The following CCDC91 variants were observed in gnomAD, a reference collection of about 807,000 sequenced individuals.
CCDC91 encodes coiled-coil domain containing 91.
A neutral mutation model predicts 63.2 loss-of-function variants in CCDC91; 48 were observed. That is an observed-to-expected ratio of 0.76 (90% CI 0.60 to 0.97). The LOEUF (loss-of-function observed/expected upper bound fraction) is 0.97. Among genes scored for constraint, CCDC91 ranks in the 50% least tolerant of loss-of-function variants. The probability of loss-of-function intolerance (pLI) is 0.00; values close to 1 mark genes in which losing one functional copy is unlikely to be tolerated. For missense variants in CCDC91, 500 were observed against 494.6 expected, an observed-to-expected ratio of 1.01 and a Z score of -0.10; for synonymous variants, 167 against 165.8, an observed-to-expected ratio of 1.01 and a Z score of -0.06.
intron 8 of CCDC91, among the ~76,000 whole-genome samples, chr12:28,426,372 T>C (rs1298478433): frequency 6.6e-6 from 1 of 152,174 alleles, no homozygotes; most frequent in Admixed American, 6.6e-5. Flanking sequence ...TTTTAGAAAA[T>C]TTGTGGCTAT....
chr12:28,221,319 T>TA (rs1203592944), intron 1 of CCDC91, among the ~76,000 whole-genome samples: 3 of 152,186 alleles, frequency 2.0e-5, no homozygotes, highest in South Asian at 2.1e-4. Context: ...AGCATATTTA[T>TA]AATAGCTGCT....
chr12:28,435,205 A>G (rs1948841300), intron 8 of CCDC91, among the ~76,000 whole-genome samples: 1 of 151,660 alleles, frequency 6.6e-6, no homozygotes, highest in Admixed American at 6.6e-5. Flanking sequence ...TTTTTCTCCT[A>G]AAATGAAAGC....
At chr12:28,533,873 G>C (rs1941942835) in intron 12 of CCDC91, among the ~76,000 whole-genome samples, 1 of 151,446 alleles carries the variant, frequency 6.6e-6, no homozygotes, top group South Asian at 2.1e-4. Flanking sequence ...ATTTGATCAA[G>C]AGAAGTACTT....
intron 3 of CCDC91, among the ~76,000 whole-genome samples, chr12:28,299,789 T>A (rs1475727488): frequency 6.6e-6 from 1 of 151,634 alleles, no homozygotes; most frequent in Non-Finnish European, 1.5e-5. Context: ...TATTTTCATT[T>A]TGGTAAATCG....
intron 12 of CCDC91, among the ~76,000 whole-genome samples, chr12:28,494,724 T>C (rs1952189671): frequency 6.6e-6 from 1 of 151,766 alleles, no homozygotes; most frequent in South Asian, 2.1e-4. Flanking sequence ...ACCTGTCATA[T>C]AAACACAGCT....
At chr12:28,309,350 G>A (rs1250227253) in intron 6 of CCDC91, among the ~76,000 whole-genome samples, 3 of 151,928 alleles carry the variant, frequency 2.0e-5, no homozygotes, top group Non-Finnish European at 4.4e-5. Context: ...GAAGAGATGC[G>A]AATAATTCTG....
At chr12:28,247,891 C>T (rs1438813461) in intron 1 of CCDC91, among the ~76,000 whole-genome samples, 2 of 152,112 alleles carry the variant, frequency 1.3e-5, no homozygotes, top group Non-Finnish European at 2.9e-5. Flanking sequence ...AGCCTAGATC[C>T]CTCATATGCA....
At chr12:28,254,930 C>A (rs2136141979) in intron 1 of CCDC91, among the ~76,000 whole-genome samples, 1 of 152,084 alleles carries the variant, frequency 6.6e-6, no homozygotes, top group East Asian at 1.9e-4. Context: ...TGCCACCACA[C>A]CTGGCTAATT....
chr12:28,294,235 T>G (rs757057282), intron 3 of CCDC91, among the ~76,000 whole-genome samples: 1 of 152,268 alleles, frequency 6.6e-6, no homozygotes, highest in Non-Finnish European at 1.5e-5. Flanking sequence ...TTCTCTCCGC[T>G]TTTTTCATTT....
intron 1 of CCDC91, among the ~76,000 whole-genome samples, chr12:28,220,644 T>C (rs1345661115): frequency 6.6e-6 from 1 of 152,048 alleles, no homozygotes; most frequent in East Asian, 1.9e-4. Flanking sequence ...AATAATTCTC[T>C]TACCCTTTGT....
intron 1 of CCDC91, among the ~76,000 whole-genome samples, chr12:28,193,595 G>A (rs190077170): frequency 2.9e-5 from 4 of 140,238 alleles, no homozygotes; most frequent in African/African-American, 8.0e-5. Flanking sequence ...GTGAAACTCC[G>A]TCTCAAAAAC....
At chr12:28,294,908 C>G (rs1358222646) in intron 3 of CCDC91, among the ~76,000 whole-genome samples, 1 of 152,120 alleles carries the variant, frequency 6.6e-6, no homozygotes, top group African/African-American at 2.4e-5. Context: ...TTATACATTA[C>G]TCAGTCTCAG....
intron 3 of CCDC91, among the ~76,000 whole-genome samples, chr12:28,273,461 G>A (rs1457655986): frequency 5.9e-5 from 9 of 152,182 alleles, no homozygotes; most frequent in African/African-American, 1.9e-4. Context: ...CACTAACAGT[G>A]TAAAAGTGTT....
At chr12:28,544,469 C>T (rs1942845980) in intron 12 of CCDC91, among the ~76,000 whole-genome samples, 1 of 151,792 alleles carries the variant, frequency 6.6e-6, no homozygotes, top group African/African-American at 2.4e-5. Flanking sequence ...CATTTTTAAG[C>T]ATTAATTTAA....
intron 8 of CCDC91, among the ~76,000 whole-genome samples, chr12:28,422,280 C>G (rs1948061548): frequency 6.6e-6 from 1 of 151,976 alleles, no homozygotes; most frequent in South Asian, 2.1e-4. Context: ...TAATTCAATA[C>G]TTTTTTGGTA....
chr12:28,267,701 A>AGTGACTGTGTTAAAGGCTAGTTT (rs1947295095), intron 3 of CCDC91, among the ~76,000 whole-genome samples: 1 of 117,306 alleles, frequency 8.5e-6, no homozygotes. Flanking sequence ...TATTTATTAT[A>AGTGACTGTGTTAAAGGCTAGTTT]TATAATTATA....
rs1185125977 is a variant in CCDC91, at chr12:28,473,248, T to G, written c.1102-10804T>G. ...AATCACAGCAACTCTTTACTACTGCTAAGCCATTGGACTGCTGTATAGGAT... is the reference window on the plus strand; with the variant it reads ...AATCACAGCAACTCTTTACTACTGCGAAGCCATTGGACTGCTGTATAGGAT... On this transcript the variant is annotated intron_variant, in intron 11 of 12. Transcript: ENST00000536442. 2.0e-5 allele frequency among the ~76,000 whole-genome samples: 3 copies of G among 152,190 alleles called. No homozygotes were observed. The East Asian group carries it at 5.8e-4, about 29-fold the overall frequency.
intron 6 of CCDC91, among the ~76,000 whole-genome samples, chr12:28,347,404 C>T (rs1480885388): frequency 2.6e-5 from 4 of 152,060 alleles, no homozygotes; most frequent in African/African-American, 9.7e-5. Flanking sequence ...CCATTAGTAC[C>T]CTATCTTTTT....
At chr12:28,547,444 C>G (rs1246711669) in intron 12 of CCDC91, among the ~76,000 whole-genome samples, 1 of 152,052 alleles carries the variant, frequency 6.6e-6, no homozygotes, top group Non-Finnish European at 1.5e-5. Flanking sequence ...TTCACTCAAT[C>G]TCAGCAAATA....
Sources: allele counts gnomAD v4.1 joint callset (sites outside exome capture counted in the v4.1 genomes callset), GRCh38; gene constraint gnomAD v4.1.1; transcripts MANE v1.5; gene names NCBI Gene and HGNC (gene_info 2026-07-23, HGNC 2026-07-21).